The following TMIGD1 variants were observed in gnomAD, a reference collection of about 807,000 sequenced individuals.
TMIGD1 encodes transmembrane and immunoglobulin domain containing 1, also known as transmembrane and immunoglobulin domain-containing protein 1.
TMIGD1 carries 29 observed loss-of-function variants against 27.5 expected under a neutral mutation model. The observed-to-expected ratio is 1.05, with a 90% CI of 0.78 to 1.44. TMIGD1 has a LOEUF of 1.44. TMIGD1 is among the 40% of genes most tolerant of loss of function. The pLI, the probability that TMIGD1 is intolerant of heterozygous loss-of-function variation, is 0.00. For synonymous variants in TMIGD1, 109 were observed against 110.3 expected (o/e 0.99, Z 0.07); for missense variants, 334 against 310.6 (o/e 1.08, Z -0.57).
chr17:30,318,671 G>A (rs1909501061), intron 5 of TMIGD1, 139 bp downstream of exon 5: 1 of 583,398 alleles, frequency 1.7e-6, no homozygotes, highest in Non-Finnish European at 3.1e-6. Context: ...TTGAGCAACT[G>A]TATTTTAGAT....
In TMIGD1 at chr17:30,316,670, A is replaced by G. The variant is rs112711653; in HGVS notation, c.*17T>C. On this transcript the variant is annotated 3_prime_UTR_variant, in exon 7 of 7. Coordinates refer to ENST00000328886, the MANE Select transcript of TMIGD1 (RefSeq NM_206832.3). ...TGATGCAAAACTCTCTCTGTATTCG[A>G]TGGCATCTCAGCTTTCTCATCTGAA... The G allele has an allele frequency of 1.2e-6, 2 of 1,613,338 alleles. No individual in the cohort carries two copies. The highest frequency in any genetic ancestry group is 2.2e-5 in the East Asian group (1 of 44,850).
chr17:30,332,049 T>C lies in TMIGD1; in HGVS notation c.82+3A>G. ...AAAGAGGCCAAAAAGAACTTTAACT[T>C]ACTTGTCATCTCACGTGGCAGAAAT... is the stretch of plus-strand genomic sequence containing the variant. On this transcript the variant is annotated splice_donor_region_variant and intron_variant, in intron 2 of 6. Coordinates refer to ENST00000328886, the MANE Select transcript of TMIGD1 (RefSeq NM_206832.3). 6.2e-7 allele frequency: 1 copy of C among 1,604,306 alleles called. No individual in the cohort carries two copies. Among genetic ancestry groups the C allele is most frequent in the East Asian group, 2.2e-5 (1 of 44,786 alleles).
intron 2 of TMIGD1, among the ~76,000 whole-genome samples, chr17:30,329,767 C>G (rs1435125229): frequency 6.6e-6 from 1 of 151,934 alleles, no homozygotes; most frequent in East Asian, 1.9e-4. Flanking sequence ...ATTGGAATCA[C>G]CAGGGGATCT....
At position 30,324,964 on chromosome 17, in the gene TMIGD1, T is replaced by C. The variant is rs762815893; in HGVS notation, c.492A>G (p.Leu164=). The C allele has an allele frequency of 3.7e-6, 6 of 1,614,168 alleles. No individual in the cohort carries two copies. Among genetic ancestry groups the C allele is most frequent in the Non-Finnish European group, 5.1e-6 (6 of 1,179,990 alleles). ...GTTGGATTTGGTGACGGCTTTTCTC[T>C]AAATCGAGGAGACTACTGTTTTTGT... is the stretch of plus-strand genomic sequence containing the variant. The part of the protein sequence containing the change: ...MWYKNSSLLD[L]EKSRHQIQQT... The change falls in exon 4 of 7, where the codon TTA becomes TTG. Residue 164 remains leucine, a synonymous_variant. Coordinates refer to ENST00000328886, the MANE Select transcript of TMIGD1 (RefSeq NM_206832.3).
chr17:30,332,213 A>G, intron 1 of TMIGD1, 55 bp from the exon 2 acceptor site: 2 of 1,040,264 alleles, frequency 1.9e-6, no homozygotes, highest in South Asian at 1.4e-5. Flanking sequence ...TGAGTTCGTG[A>G]ACCTTCCTTC....
chr17:30,320,376 T>C (rs541254001), intron 4 of TMIGD1, among the ~76,000 whole-genome samples: 1 of 152,244 alleles, frequency 6.6e-6, no homozygotes, highest in South Asian at 2.1e-4. Flanking sequence ...GCATAGTGCC[T>C]GTGTTTGCAA....
chr17:30,323,028 C>T (rs1373679819), intron 4 of TMIGD1, among the ~76,000 whole-genome samples: 1 of 151,702 alleles, frequency 6.6e-6, no homozygotes, highest in Non-Finnish European at 1.5e-5. Context: ...TTTTGATTAG[C>T]TGGTTCTGAT....
Position 30,329,304 on chromosome 17 carries a change from C to A in TMIGD1, c.308G>T (p.Cys103Phe), listed in dbSNP as rs768563735. 3.7e-6 allele frequency: 6 copies of A among 1,614,072 alleles called. No homozygotes were observed. Among genetic ancestry groups the A allele is most frequent in the Non-Finnish European group, 5.1e-6 (6 of 1,180,012 alleles). ...SENDNGISFT[C>F]RLGRDQSVSV... ...CACGGACTGATCCCTCCCCAGCCTGCAGGTAAAGCTGATTCCGTTGTCATT... is the reference window on the plus strand; with the variant it reads ...CACGGACTGATCCCTCCCCAGCCTGAAGGTAAAGCTGATTCCGTTGTCATT... The change falls in exon 3 of 7, where the codon TGC (cysteine) becomes TTC (phenylalanine). Residue 103 changes from cysteine to phenylalanine, a missense_variant. Cys to Phe is a radical substitution (Grantham distance 205). Coordinates refer to ENST00000328886, the MANE Select transcript of TMIGD1 (RefSeq NM_206832.3).
intron 2 of TMIGD1, among the ~76,000 whole-genome samples, chr17:30,330,910 C>A (rs1909954415): frequency 6.6e-6 from 1 of 152,116 alleles, no homozygotes. Flanking sequence ...AACACTTAAG[C>A]TGGCCGGGCA....
At position 30,329,235 on chromosome 17, in the gene TMIGD1, T is replaced by C; in HGVS notation, c.361+16A>G. The C allele has an allele frequency of 6.2e-7, 1 of 1,609,354 alleles. No individual in the cohort carries two copies. The highest frequency in any genetic ancestry group is 1.1e-5 in the South Asian group (1 of 90,904). On this transcript the variant is annotated intron_variant, in intron 3 of 6. Coordinates refer to ENST00000328886, the MANE Select transcript of TMIGD1 (RefSeq NM_206832.3). Reference sequence around the variant, plus strand: ...ACATTACAGACCCACTAGCTGTTTCTTTTCCCCTCACTCACAAGTAACATT... The same window carrying C: ...ACATTACAGACCCACTAGCTGTTTCCTTTCCCCTCACTCACAAGTAACATT...
At chr17:30,320,731 T>G (rs1158781771) in intron 4 of TMIGD1, among the ~76,000 whole-genome samples, 1 of 152,178 alleles carries the variant, frequency 6.6e-6, no homozygotes, top group Non-Finnish European at 1.5e-5. Flanking sequence ...GCGTGGCATA[T>G]CCGTAGTCCC....
rs1309493550 is a variant in TMIGD1, at chr17:30,325,037, T to C, written c.419A>G (p.Lys140Arg). The change falls in exon 4 of 7, where the codon AAG (lysine) becomes AGG (arginine). Residue 140 changes from lysine (K) to arginine (R), a missense_variant. By Grantham distance (26) the Lys-to-Arg change is conservative. Transcript: ENST00000328886. ...FQTVEEGSNVKLVCNVKANPQ... is the reference protein window; with the variant it reads ...FQTVEEGSNVRLVCNVKANPQ... ...GTTGGCTTTCACATTGCAAACCAAC[T>C]TCACATTACTGCCTTCCTCAACTGT... The C allele has an allele frequency of 6.2e-7, 1 of 1,614,096 alleles. No homozygotes were observed. The highest frequency in any genetic ancestry group is 1.1e-5 in the South Asian group (1 of 91,082).
intron 2 of TMIGD1, among the ~76,000 whole-genome samples, chr17:30,331,689 C>A (rs576595255): frequency 4.8e-4 from 73 of 151,288 alleles, no homozygotes; most frequent in Non-Finnish European, 9.0e-4. Context: ...CCTGGGTTCA[C>A]GCCATTCTCC....
intron 2 of TMIGD1, among the ~76,000 whole-genome samples, chr17:30,330,730 T>C (rs11651322): frequency 0.081 from 12,285 of 152,252 alleles, 616 homozygotes; most frequent in African/African-American, 0.13. Flanking sequence ...TTTTCAGCTC[T>C]GACTTTTAGA....
intron 2 of TMIGD1, among the ~76,000 whole-genome samples, chr17:30,331,246 G>A (rs531988653): frequency 8.6e-5 from 13 of 151,988 alleles, no homozygotes; most frequent in African/African-American, 2.9e-4. Flanking sequence ...TTGTTGTCTA[G>A]TATTTTATTA....
rs764197360 is a variant in TMIGD1, at chr17:30,329,413, A to C, written c.199T>G (p.Trp67Gly). The C allele has an allele frequency of 6.2e-7, 1 of 1,614,232 alleles. No individual in the cohort carries two copies. The highest frequency in any genetic ancestry group is 1.7e-5 in the Admixed American group (1 of 60,026). ...TCCACTCTCCCCTCCTCTCGGTACC[A>C]GAGCAGTTCTTCCTCTCTGGTGTGG... ...QNHTREEELLWYREEGRVDLK... is the reference protein window; with the variant it reads ...QNHTREEELLGYREEGRVDLK... The change falls in exon 3 of 7, where the codon TGG becomes GGG. Residue 67 changes from tryptophan to glycine, a missense_variant. By Grantham distance (184) the Trp-to-Gly change is radical. Transcript: ENST00000328886.
chr17:30,329,909 A>G (rs1909917981), intron 2 of TMIGD1, among the ~76,000 whole-genome samples: 1 of 121,120 alleles, frequency 8.3e-6, no homozygotes, highest in African/African-American at 3.1e-5. Context: ...CGTCTCTACA[A>G]AAAATAAAAA....
intron 4 of TMIGD1, among the ~76,000 whole-genome samples, chr17:30,322,126 C>A (rs1909639419): frequency 6.6e-6 from 1 of 152,166 alleles, no homozygotes; most frequent in South Asian, 2.1e-4. Flanking sequence ...TCCCACCCAG[C>A]CTGTAACTAC....
chr17:30,330,703 T>TTTTTG (rs1443257761), intron 2 of TMIGD1, among the ~76,000 whole-genome samples: 4 of 152,226 alleles, frequency 2.6e-5, no homozygotes, highest in African/African-American at 7.2e-5. Flanking sequence ...TACCAGGTTT[T>TTTTTG]TTTTGTTTTG....
Sources: gnomAD v4.1 joint callset for allele counts (sites outside exome capture counted in the v4.1 genomes callset) on GRCh38, gnomAD v4.1.1 for gene constraint, MANE v1.5 for transcripts, NCBI Gene and HGNC (gene_info 2026-07-23, HGNC 2026-07-21) for gene names.